AGK: variants seen among roughly 807,000 people sequenced by gnomAD.
The protein encoded by AGK is acylglycerol kinase, mitochondrial.
Under a neutral mutation model 66.4 loss-of-function variants are expected in AGK, and 52 were observed. That is an observed-to-expected ratio of 0.78 (90% CI 0.63 to 0.99). The LOEUF (loss-of-function observed/expected upper bound fraction) is 0.99, where lower values mean the gene tolerates loss of function less well. Among genes scored for constraint, AGK ranks in the 50% least tolerant of loss-of-function variants. The pLI, the probability that AGK is intolerant of heterozygous loss-of-function variation, is 0.00. For synonymous variants in AGK, 182 were observed against 181.1 expected, an observed-to-expected ratio of 1.00 and a Z score of -0.04; for missense variants, 451 against 506.6, an observed-to-expected ratio of 0.89 and a Z score of 1.05.
At chr7:141,575,469 T>C (rs961455736) in intron 2 of AGK, among the ~76,000 whole-genome samples, 23 of 152,142 alleles carry the variant, frequency 1.5e-4, no homozygotes, top group African/African-American at 4.8e-4. Flanking sequence ...TGTGCCCAAA[T>C]GAGAATTATT....
chr7:141,566,749 A>G (rs374568273), intron 2 of AGK, among the ~76,000 whole-genome samples: 2 of 152,032 alleles, frequency 1.3e-5, no homozygotes, highest in Non-Finnish European at 2.9e-5. Flanking sequence ...CTCTCATCCC[A>G]TTGTTTCACC....
chr7:141,628,663 A>AG (rs1160566887), intron 9 of AGK, among the ~76,000 whole-genome samples: 1 of 152,226 alleles, frequency 6.6e-6, no homozygotes, highest in Non-Finnish European at 1.5e-5. Context: ...GAGGAAGTCG[A>AG]GGTGAGATTC....
Position 141,641,908 on chromosome 7 carries a change from A to G in AGK, c.975A>G (p.Thr325=). Residue 325 remains threonine (T), a splice_region_variant and synonymous_variant, in exon 13 of 16, where the codon ACA becomes ACG. Coordinates refer to ENST00000649286, the MANE Select transcript of AGK (RefSeq NM_018238.4). ...CACGGAATAATCAGCTTGACCCGAC[A>G]GTAAGTGTGCTTTTTTATTAGAAAA... is the stretch of plus-strand genomic sequence containing the variant. The part of the protein sequence containing the change: ...ITTRNNQLDP[T]SKEDFLNICI... 1 of 1,572,852 alleles carries G rather than the reference A, an allele frequency of 6.4e-7. No individual in the cohort carries two copies. Among genetic ancestry groups the G allele is most frequent in the Non-Finnish European group, 8.6e-7 (1 of 1,157,630 alleles).
Position 141,555,491 on chromosome 7 carries a change from C to T in AGK, c.25C>T (p.Arg9Ter), listed in dbSNP as rs139967538. The T allele has an allele frequency of 1.1e-5, 18 of 1,613,888 alleles. No individual in the cohort carries two copies. The highest frequency in any genetic ancestry group is 1.1e-4 in the African/African-American group (8 of 74,918). The change falls in exon 2 of 16, where the codon CGA becomes TGA. Residue 9 changes from arginine (R) to a stop codon, truncating the protein, a stop_gained. Transcript: ENST00000649286. LOFTEE classifies it high-confidence loss of function. The surrounding 1 kb of genome is among the most constrained non-coding windows in gnomAD (Gnocchi z 4.2). Reference protein sequence around the residue: MTVFFKTLRNHWKKTTAGL... With the variant: MTVFFKTL ...GATGACGGTGTTCTTTAAAACGCTT[C>T]GAAATCACTGGAAGAAAACTACAGC...
At chr7:141,571,334 A>G (rs1795602298) in intron 2 of AGK, among the ~76,000 whole-genome samples, 1 of 152,174 alleles carries the variant, frequency 6.6e-6, no homozygotes, top group African/African-American at 2.4e-5. Context: ...CCCGCAGCAT[A>G]AGCATCTCCT....
chr7:141,561,974 G>A (rs1795360406), intron 2 of AGK: 1 of 449,096 alleles, frequency 2.2e-6, no homozygotes, highest in Non-Finnish European at 4.5e-6. Flanking sequence ...GCTCTAGGCT[G>A]GTGCTGGGGA....
chr7:141,561,432 T>G (rs1300193982), intron 2 of AGK, among the ~76,000 whole-genome samples: 1 of 152,198 alleles, frequency 6.6e-6, no homozygotes, highest in African/African-American at 2.4e-5. Flanking sequence ...CAACATCTGT[T>G]ATTTTTTAAT....
At chr7:141,560,193 G>A (rs989086308) in intron 2 of AGK, among the ~76,000 whole-genome samples, 1 of 151,750 alleles carries the variant, frequency 6.6e-6, no homozygotes, top group Non-Finnish European at 1.5e-5. Flanking sequence ...TTTCAAAATT[G>A]GGTATGATGT....
In AGK at chr7:141,630,718, T is replaced by G. The variant is rs910358350; in HGVS notation, c.589-3183T>G. ...TATTATACTTACTTAGCAATTTTGT[T>G]AAGTTGAAGGCATTAAGTGGGATTT... On this transcript the variant is annotated intron_variant, in intron 9 of 15. Transcript: ENST00000649286. Among the ~76,000 whole-genome samples, 3 of 152,212 alleles carry G rather than the reference T, an allele frequency of 2.0e-5. No homozygotes were observed. The East Asian group carries it at 5.8e-4, about 29-fold the overall frequency.
At chr7:141,567,551 G>A (rs767612994) in intron 2 of AGK, among the ~76,000 whole-genome samples, 4 of 152,172 alleles carry the variant, frequency 2.6e-5, no homozygotes, top group Non-Finnish European at 5.9e-5. Context: ...GCAGGTTGCA[G>A]CAGTTGACAA....
intron 2 of AGK, among the ~76,000 whole-genome samples, chr7:141,562,856 T>C (rs1322344889): frequency 2.0e-5 from 3 of 152,226 alleles, no homozygotes; most frequent in South Asian, 4.1e-4. Context: ...CTGCAAGATA[T>C]AGTCAGGGAT....
chr7:141,553,865 G>A (rs1213928799), intron 1 of AGK, among the ~76,000 whole-genome samples: 2 of 152,130 alleles, frequency 1.3e-5, no homozygotes, highest in African/African-American at 4.8e-5. Flanking sequence ...GGACTTTTAA[G>A]TGGAAACAGT....
intron 13 of AGK, chr7:141,649,020 C>A: frequency 2.8e-6 from 1 of 363,264 alleles, no homozygotes; most frequent in Non-Finnish European, 4.8e-6. Flanking sequence ...GTTTTGTTTG[C>A]TTATGTAGTA....
chr7:141,649,660 C>T (rs547759758), intron 14 of AGK, among the ~76,000 whole-genome samples: 11 of 152,332 alleles, frequency 7.2e-5, no homozygotes, highest in Non-Finnish European at 1.2e-4. Context: ...GCCACTTACC[C>T]GACGTCATGA....
chr7:141,647,763 T>C (rs1306993302), intron 13 of AGK, among the ~76,000 whole-genome samples: 1 of 152,176 alleles, frequency 6.6e-6, no homozygotes, highest in African/African-American at 2.4e-5. Flanking sequence ...CTCTGCCTCC[T>C]GGGTTCTAGC....
intron 11 of AGK, among the ~76,000 whole-genome samples, chr7:141,638,257 G>A (rs1797216450): frequency 6.6e-6 from 1 of 152,012 alleles, no homozygotes; most frequent in South Asian, 2.1e-4. Context: ...ATCTAATGAG[G>A]GTCAGAAAAT....
At chr7:141,556,553 A>T (rs562274891) in intron 2 of AGK, among the ~76,000 whole-genome samples, 77 of 152,012 alleles carry the variant, frequency 5.1e-4, no homozygotes, top group African/African-American at 1.7e-3. Context: ...AAAAAAAAAA[A>T]AAAATAAAGA....
At chr7:141,584,283 G>A (rs180909104) in intron 2 of AGK, among the ~76,000 whole-genome samples, 2 of 152,232 alleles carry the variant, frequency 1.3e-5, no homozygotes, top group Non-Finnish European at 1.5e-5. Context: ...GCCAAGATGA[G>A]CCAGGAGAAG....
At chr7:141,591,428 A>G (rs992981999) in intron 2 of AGK, among the ~76,000 whole-genome samples, 1 of 152,090 alleles carries the variant, frequency 6.6e-6, no homozygotes, top group Admixed American at 6.5e-5. Context: ...CACAGCGTCC[A>G]TACTTCCCTG....
Sources: gnomAD v4.1 joint callset for allele counts (sites outside exome capture counted in the v4.1 genomes callset) on GRCh38, gnomAD v4.1.1 for gene constraint, Gnocchi (gnomAD v3.1) non-coding constraint, MANE v1.5 for transcripts, NCBI Gene and HGNC (gene_info 2026-07-23, HGNC 2026-07-21) for gene names.